The following TCF20 variants were observed in gnomAD, a reference collection of about 807,000 sequenced individuals.
The protein encoded by TCF20 is transcription factor 20.
A neutral mutation model predicts 148.6 loss-of-function variants in TCF20; 3 were observed. That is an observed-to-expected ratio of 0.02 (90% CI 0.01 to 0.05). The LOEUF (loss-of-function observed/expected upper bound fraction) is 0.05. Ranked by LOEUF, TCF20 falls within the 10% of genes least tolerant of loss-of-function variation. The pLI, the probability that TCF20 is intolerant of heterozygous loss-of-function variation, is 1.00. For missense variants in TCF20, 2,350 were observed against 2,429.3 expected (o/e 0.97, Z 0.69); for synonymous variants, 1,049 against 909.5 (o/e 1.15, Z -2.76).
intron 1 of TCF20, among the ~76,000 whole-genome samples, chr22:42,267,787 A>G (rs1450941081): frequency 6.6e-6 from 1 of 152,224 alleles, no homozygotes; most frequent in African/African-American, 2.4e-5. Flanking sequence ...TCCGAAGTCA[A>G]TAATTATAAG....
Position 42,335,626 on chromosome 22 carries a change from G to C in TCF20, c.-37+7853C>G, listed in dbSNP as rs555454331. On this transcript the variant is annotated intron_variant, in intron 1 of 1. Coordinates refer to the TCF20 transcript ENST00000515426. ...ACCCCTGACTCTGAGCAGACAGCAGGGGGGCAGAGAGTGGGGAAGTGTCCC... is the reference window on the plus strand; with the variant it reads ...ACCCCTGACTCTGAGCAGACAGCAGCGGGGCAGAGAGTGGGGAAGTGTCCC... 5.3e-5 allele frequency among the ~76,000 whole-genome samples: 8 copies of C among 152,198 alleles called. No individual in the cohort carries two copies. In the East Asian group the frequency reaches 7.7e-4, roughly 15 times the overall value.
intron 3 of TCF20, among the ~76,000 whole-genome samples, chr22:42,174,675 T>C (rs1936328570): frequency 6.6e-6 from 1 of 152,146 alleles, no homozygotes; most frequent in Non-Finnish European, 1.5e-5. Flanking sequence ...GCCTAAGAGT[T>C]TGAGTCCAGC....
At chr22:42,251,337 T>C (rs370534635) in intron 1 of TCF20, among the ~76,000 whole-genome samples, 1 of 151,922 alleles carries the variant, frequency 6.6e-6, no homozygotes, top group African/African-American at 2.4e-5. Flanking sequence ...AGGTGCACGC[T>C]AGCTTGCTAA....
At chr22:42,169,619 C>A (rs892356826) in intron 4 of TCF20, among the ~76,000 whole-genome samples, 1 of 152,236 alleles carries the variant, frequency 6.6e-6, no homozygotes, top group African/African-American at 2.4e-5. Flanking sequence ...TCCCAAAACA[C>A]ATTTCTCCTG....
intron 1 of TCF20, among the ~76,000 whole-genome samples, chr22:42,225,050 C>T (rs1922746154): frequency 7.0e-6 from 1 of 141,960 alleles, no homozygotes; most frequent in South Asian, 2.2e-4. Context: ...TGCTGGAGTG[C>T]AGTGGTGCAA....
chr22:42,328,809 G>A (rs776930025), intron 1 of TCF20, among the ~76,000 whole-genome samples: 5 of 152,322 alleles, frequency 3.3e-5, no homozygotes, highest in East Asian at 3.9e-4. Flanking sequence ...CCCCAGACGG[G>A]GGGGAAAGCC....
intron 1 of TCF20, among the ~76,000 whole-genome samples, chr22:42,218,218 G>C (rs1921998883): frequency 1.3e-5 from 2 of 152,190 alleles, no homozygotes; most frequent in African/African-American, 2.4e-5. Flanking sequence ...GCAGGGCTGG[G>C]GGCAGGACAT....
rs916988574 is a variant in TCF20, at chr22:42,161,231, TAAGG to T, written c.*168_*171del. On this transcript the variant is annotated 3_prime_UTR_variant, in exon 6 of 6. Coordinates refer to ENST00000677622, the MANE Select transcript of TCF20 (RefSeq NM_001378418.1). ...CTGGTTTGAGTGTGATGTGAGAACT[TAAGG>T]AAGTGCTGGCATGGGCAGGCACGCG... 6.6e-6 allele frequency: 9 copies of T among 1,370,404 alleles called. No individual in the cohort carries two copies. The highest frequency in any genetic ancestry group is 9.1e-6 in the Non-Finnish European group (9 of 986,888). The allele number at this position is 1,370,404 out of a possible 1,614,324, so 84.9% of individuals were successfully genotyped here. A position where few individuals can be genotyped will look rare whatever the true frequency, so the allele number is the denominator to read the frequency against.
In TCF20 at chr22:42,168,752, C is replaced by T; in HGVS notation, c.5800-16G>A. 1 of 1,601,726 alleles carries T rather than the reference C, an allele frequency of 6.2e-7. No homozygotes were observed. The highest frequency in any genetic ancestry group is 8.5e-7 in the Non-Finnish European group (1 of 1,174,134). On this transcript the variant is annotated splice_polypyrimidine_tract_variant and intron_variant, in intron 4 of 5. Coordinates refer to ENST00000677622, the MANE Select transcript of TCF20 (RefSeq NM_001378418.1). ...GAAGGGGAGGCTGACACGGGCAAAA[C>T]CAAGAGGAGACAGACAGGTGGGAGA...
upstream of TCF20, among the ~76,000 whole-genome samples, chr22:42,287,832 G>A (rs1476457053): frequency 6.6e-6 from 1 of 152,146 alleles, no homozygotes; most frequent in East Asian, 1.9e-4. Context: ...TCTGGGCGTG[G>A]TGAGTTGCAT....
chr22:42,165,917 G>A (rs1462280726), intron 5 of TCF20, among the ~76,000 whole-genome samples: 1 of 152,180 alleles, frequency 6.6e-6, no homozygotes, highest in Admixed American at 6.5e-5. Flanking sequence ...GGCGCACTAG[G>A]AGGCAGACAC....
intron 1 of TCF20, among the ~76,000 whole-genome samples, chr22:42,298,700 C>T (rs776497950): frequency 4.6e-5 from 7 of 152,206 alleles, no homozygotes; most frequent in African/African-American, 1.7e-4. Context: ...CTGGCATGGT[C>T]GCAAGTTTGC....
At chr22:42,164,469 T>C (rs1389844881) in intron 5 of TCF20, among the ~76,000 whole-genome samples, 4 of 152,140 alleles carry the variant, frequency 2.6e-5, no homozygotes, top group Non-Finnish European at 4.4e-5. Context: ...GACCTCGTGA[T>C]CTGCCCGCCT....
intron 1 of TCF20, among the ~76,000 whole-genome samples, chr22:42,224,388 C>T (rs532302559): frequency 7.9e-5 from 12 of 151,800 alleles, no homozygotes; most frequent in African/African-American, 2.4e-4. Context: ...AGGAGAATGG[C>T]GTGAACCTGG....
At chr22:42,303,851 G>A (rs1927383688) in intron 1 of TCF20, among the ~76,000 whole-genome samples, 1 of 151,668 alleles carries the variant, frequency 6.6e-6, no homozygotes, top group Admixed American at 6.6e-5. Flanking sequence ...GAGGGAGGGA[G>A]AGGGGAATGT....
intron 1 of TCF20, among the ~76,000 whole-genome samples, chr22:42,266,110 A>G (rs1926274258): frequency 6.6e-6 from 1 of 151,124 alleles, no homozygotes; most frequent in South Asian, 2.1e-4. Context: ...GGGGCACAGC[A>G]GGAAGATATG....
Position 42,164,486 on chromosome 22 carries a change from G to A in TCF20, c.*45-3128C>T, listed in dbSNP as rs58576135. Among the ~76,000 whole-genome samples the A allele has an allele frequency of 8.5e-3, 1,300 of 152,260 alleles. 21 individuals carry two copies. Among genetic ancestry groups the A allele is most frequent in the African/African-American group, 0.03 (1,234 of 41,546 alleles). On this transcript the variant is annotated intron_variant, in intron 5 of 5. Coordinates refer to ENST00000677622, the MANE Select transcript of TCF20 (RefSeq NM_001378418.1). ...CCTCGTGATCTGCCCGCCTCCCAAA[G>A]TGCTGGGATTATAGGCGTTAGCCAC...
Position 42,215,359 on chromosome 22 carries a change from A to G in TCF20, c.-36-18T>C. 3 of 1,546,826 alleles carry G rather than the reference A, an allele frequency of 1.9e-6. No homozygotes were observed. The highest frequency in any genetic ancestry group is 1.2e-5 in the South Asian group (1 of 80,388). ...CAGCCCTCCTAGAAATAGAAGAAAG[A>G]AAAACATTAGACACGCATCTCCTTG... On this transcript the variant is annotated intron_variant, in intron 1 of 5. Transcript: ENST00000677622.
chr22:42,250,297 T>C (rs1010935003), intron 1 of TCF20, among the ~76,000 whole-genome samples: 6 of 151,798 alleles, frequency 4.0e-5, no homozygotes, highest in Non-Finnish European at 8.8e-5. Context: ...ATACAAAAAT[T>C]AGCCAGGCGT....
Sources: allele counts gnomAD v4.1 joint callset (sites outside exome capture counted in the v4.1 genomes callset), GRCh38; gene constraint gnomAD v4.1.1; transcripts MANE v1.5; gene names NCBI Gene and HGNC (gene_info 2026-07-23, HGNC 2026-07-21).